The following NIPA2 variants were observed in gnomAD, a reference collection of about 807,000 sequenced individuals.
NIPA2 encodes magnesium transporter NIPA2.
Under a neutral mutation model 29.7 loss-of-function variants are expected in NIPA2, and 11 were observed. The observed-to-expected ratio is 0.37, with a 90% CI of 0.23 to 0.61. The LOEUF is 0.61. Among genes scored for constraint, NIPA2 ranks in the 20% least tolerant of loss-of-function variants. The probability of loss-of-function intolerance (pLI) is 0.66; values close to 1 mark genes in which losing one functional copy is unlikely to be tolerated. For synonymous variants in NIPA2, 183 were observed against 161.9 expected (o/e 1.13, Z -0.99); for missense variants, 426 against 437.9 (o/e 0.97, Z 0.24).
chr15:22,865,200 A>G lies in NIPA2; in HGVS notation c.449-1013A>G, dbSNP rs12910616. Among the ~76,000 whole-genome samples, 1,417 of 147,854 alleles carry G rather than the reference A, an allele frequency of 9.6e-3. 24 individuals carry two copies. Among genetic ancestry groups the G allele is most frequent in the African/African-American group, 0.033 (1,329 of 40,568 alleles). ...TGTGTATTTGTGTCTTTAATAATCT[A>G]TTACTGCTGGGTGCGGTGGCTCACG... On this transcript the variant is annotated intron_variant, in intron 7 of 7. Coordinates refer to ENST00000337451, the MANE Select transcript of NIPA2 (RefSeq NM_030922.7).
intron 5 of NIPA2, among the ~76,000 whole-genome samples, chr15:22,855,013 C>T (rs1375261323): frequency 6.6e-6 from 1 of 152,052 alleles, no homozygotes. Flanking sequence ...CATTTGTTCT[C>T]ATTCCAAATT....
At chr15:22,863,938 C>G (rs1220250778) in intron 7 of NIPA2, among the ~76,000 whole-genome samples, 1 of 151,838 alleles carries the variant, frequency 6.6e-6, no homozygotes, top group Non-Finnish European at 1.5e-5. Flanking sequence ...TGTTGTAGAT[C>G]CATCGTTTGT....
intron 6 of NIPA2, among the ~76,000 whole-genome samples, chr15:22,860,005 CTGG>C (rs2058507698): frequency 1.3e-5 from 2 of 150,770 alleles, no homozygotes; most frequent in Non-Finnish European, 2.9e-5. Flanking sequence ...ATTTTAAGCA[CTGG>C]TGGTTTGGAT....
chr15:22,864,550 G>A (rs375766065), intron 7 of NIPA2, among the ~76,000 whole-genome samples: 1 of 152,146 alleles, frequency 6.6e-6, no homozygotes, highest in African/African-American at 2.4e-5. Context: ...GGAATTGACT[G>A]GGGGGAAGGA....
chr15:22,857,750 T>C (rs558184611), intron 5 of NIPA2, among the ~76,000 whole-genome samples: 149 of 149,110 alleles, frequency 1.0e-3, no homozygotes, highest in African/African-American at 3.6e-3. Context: ...GGCAGGAGAA[T>C]TGCTTGAACC....
Position 22,848,073 on chromosome 15 carries a change from C to T in NIPA2, c.-94+2806C>T, listed in dbSNP as rs867333939. On this transcript the variant is annotated intron_variant, in intron 3 of 7. Transcript: ENST00000337451. ...TCGGCCTCCCAAAGTGCTGGGATTA[C>T]AGGCGTGAGCCACCACGCCTGGTCG... is the stretch of plus-strand genomic sequence containing the variant. 1.6e-4 allele frequency among the ~76,000 whole-genome samples: 25 copies of T among 152,320 alleles called. 2 individuals carry two copies. The Middle Eastern group carries it at 0.037, about 228-fold the overall frequency.
intron 3 of NIPA2, among the ~76,000 whole-genome samples, chr15:22,847,291 A>C (rs1468406563): frequency 6.6e-6 from 1 of 152,128 alleles, no homozygotes; most frequent in Non-Finnish European, 1.5e-5. Flanking sequence ...AAGAAGGTTC[A>C]ATTTTATTGC....
At chr15:22,860,083 T>C (rs1331563555) in intron 6 of NIPA2, among the ~76,000 whole-genome samples, 1 of 150,080 alleles carries the variant, frequency 6.7e-6, no homozygotes, top group Non-Finnish European at 1.5e-5. Flanking sequence ...CAGGCTGGAG[T>C]GCAGTGGCGC....
In NIPA2 at chr15:22,843,358, T is replaced by C. The variant is rs59593464; in HGVS notation, c.-215-1788T>C. On this transcript the variant is annotated intron_variant, in intron 2 of 7. Coordinates refer to ENST00000337451, the MANE Select transcript of NIPA2 (RefSeq NM_030922.7). Reference sequence around the variant, plus strand: ...GTCTCTACTAAAAATACAAAAAAATTAGCCATGCATGGTGGTGGGTGCCTG... The same window carrying C: ...GTCTCTACTAAAAATACAAAAAAATCAGCCATGCATGGTGGTGGGTGCCTG... Among the ~76,000 whole-genome samples, 1,000 of 151,398 alleles carry C rather than the reference T, an allele frequency of 6.6e-3. 13 individuals are homozygous for C. The highest frequency in any genetic ancestry group is 0.023 in the African/African-American group (948 of 41,302).
chr15:22,840,946 GATTT>G (rs1013259587), intron 2 of NIPA2, among the ~76,000 whole-genome samples: 3 of 133,668 alleles, frequency 2.2e-5, no homozygotes, highest in African/African-American at 8.3e-5. Context: ...CATTTAAACT[GATTT>G]ATTTGATTGC....
intron 7 of NIPA2, among the ~76,000 whole-genome samples, chr15:22,861,662 T>C (rs972161381): frequency 6.6e-6 from 1 of 152,180 alleles, no homozygotes; most frequent in Non-Finnish European, 1.5e-5. Flanking sequence ...TAGGATGTTC[T>C]CTTTCCCCAC....
At chr15:22,852,220 A>G (rs909953491) in intron 4 of NIPA2, among the ~76,000 whole-genome samples, 2 of 152,130 alleles carry the variant, frequency 1.3e-5, no homozygotes, top group African/African-American at 4.8e-5. Flanking sequence ...TAATCCCAGC[A>G]CTTTGGGAGG....
At chr15:22,840,589 C>G (rs1335733614) in intron 2 of NIPA2, among the ~76,000 whole-genome samples, 1 of 152,128 alleles carries the variant, frequency 6.6e-6, no homozygotes, top group Non-Finnish European at 1.5e-5. Context: ...CGTGAGCCAC[C>G]GCGCCCGACC....
intron 7 of NIPA2, among the ~76,000 whole-genome samples, chr15:22,861,010 C>A (rs2058583900): frequency 6.6e-6 from 1 of 152,162 alleles, no homozygotes; most frequent in Non-Finnish European, 1.5e-5. Context: ...CTACTACTTA[C>A]TTCCTTAGCT....
chr15:22,855,726 G>A (rs55897540), intron 5 of NIPA2, among the ~76,000 whole-genome samples: 2,823 of 152,218 alleles, frequency 0.019, 46 homozygotes, highest in Non-Finnish European at 0.023. Flanking sequence ...CTGCAGCCAG[G>A]GCCAGCCTCG....
intron 5 of NIPA2, 59 bp from the exon 6 acceptor site, chr15:22,858,480 AT>A: frequency 9.8e-7 from 1 of 1,016,026 alleles, no homozygotes; most frequent in Non-Finnish European, 1.5e-6. Flanking sequence ...AAATGCCGGC[AT>A]TTCCAAGTTG....
At chr15:22,853,948 CT>C (rs1210868891) in intron 5 of NIPA2, among the ~76,000 whole-genome samples, 1 of 152,036 alleles carries the variant, frequency 6.6e-6, no homozygotes, top group Non-Finnish European at 1.5e-5. Flanking sequence ...CTGCCTCATC[CT>C]CCTGAGTAGC....
chr15:22,843,510 A>C (rs964952916), intron 2 of NIPA2, among the ~76,000 whole-genome samples: 6 of 151,876 alleles, frequency 4.0e-5, no homozygotes, highest in Non-Finnish European at 8.8e-5. Flanking sequence ...CATCTAAAAA[A>C]AAAAAAAAAA....
At chr15:22,864,611 G>A (rs1019653448) in intron 7 of NIPA2, among the ~76,000 whole-genome samples, 3 of 152,286 alleles carry the variant, frequency 2.0e-5, no homozygotes, top group African/African-American at 7.2e-5. Flanking sequence ...TCTGTGGCAC[G>A]GGAGGGACAG....
Sources: allele counts gnomAD v4.1 joint callset (sites outside exome capture counted in the v4.1 genomes callset), GRCh38; gene constraint gnomAD v4.1.1; transcripts MANE v1.5; gene names NCBI Gene and HGNC (gene_info 2026-07-23, HGNC 2026-07-21).